The following GRM7 variants were observed in gnomAD, a reference collection of about 807,000 sequenced individuals.
GRM7 encodes metabotropic glutamate receptor 7.
A neutral mutation model predicts 84.5 loss-of-function variants in GRM7; 35 were observed. The ratio of observed to expected loss-of-function variants is 0.41; its 90% CI spans 0.32 to 0.55. GRM7 has a LOEUF of 0.55. Ranked by LOEUF, GRM7 falls within the 20% of genes least tolerant of loss-of-function variation. The probability of loss-of-function intolerance (pLI) is 0.19; values close to 1 mark genes in which losing one functional copy is unlikely to be tolerated. For missense variants in GRM7, 1,003 were observed against 1,194.6 expected, an observed-to-expected ratio of 0.84 and a Z score of 2.36; for synonymous variants, 487 against 455.1, an observed-to-expected ratio of 1.07 and a Z score of -0.89.
chr3:7,500,081 C>G (rs1699837234), intron 7 of GRM7, among the ~76,000 whole-genome samples: 1 of 152,144 alleles, frequency 6.6e-6, no homozygotes, highest in African/African-American at 2.4e-5. Context: ...TAATTCTCCT[C>G]CACCATAGCA....
chr3:7,220,296 G>A (rs1182951470), intron 2 of GRM7, among the ~76,000 whole-genome samples: 1 of 152,142 alleles, frequency 6.6e-6, no homozygotes, highest in African/African-American at 2.4e-5. Context: ...AGGTGAATGA[G>A]GTTAATATCC....
chr3:7,466,528 T>G (rs35545833), intron 7 of GRM7, among the ~76,000 whole-genome samples: 24,428 of 152,246 alleles, frequency 0.16, 2,221 homozygotes, highest in South Asian at 0.33. Flanking sequence ...ATATTATGTG[T>G]GATAGAAACC....
rs1355653351 is a variant in GRM7 at position 6,863,304 on chromosome 3, G to A, written c.519+1397G>A. 1.3e-5 allele frequency among the ~76,000 whole-genome samples: 2 copies of A among 152,082 alleles called. No individual in the cohort carries two copies. The highest frequency in any genetic ancestry group is 2.9e-5 in the Non-Finnish European group (2 of 68,026). ...GTTAATCTCTTCCGCAGATGTACAC[G>A]CTGATCCTGGCACCTTTATGCTCCT... On this transcript the variant is annotated intron_variant, in intron 1 of 9. Coordinates refer to ENST00000357716, the MANE Select transcript of GRM7 (RefSeq NM_000844.4). The surrounding 1 kb of genome is among the most constrained non-coding windows in gnomAD (Gnocchi z 4.8).
At chr3:6,886,736 A>G (rs1031814002) in intron 1 of GRM7, among the ~76,000 whole-genome samples, 1 of 151,826 alleles carries the variant, frequency 6.6e-6, no homozygotes, top group African/African-American at 2.4e-5. Flanking sequence ...ATATATCATT[A>G]CTCTGTTAAT....
At chr3:7,542,099 C>G (rs979987919) in intron 7 of GRM7, among the ~76,000 whole-genome samples, 1 of 152,158 alleles carries the variant, frequency 6.6e-6, no homozygotes, top group African/African-American at 2.4e-5. Flanking sequence ...GCATTAGAAC[C>G]TACCCTAATG....
At chr3:7,274,603 T>C (rs1222325427) in intron 2 of GRM7, among the ~76,000 whole-genome samples, 1 of 152,096 alleles carries the variant, frequency 6.6e-6, no homozygotes, top group Non-Finnish European at 1.5e-5. Context: ...CATGTTCTTC[T>C]TGCTTATATG....
intron 1 of GRM7, among the ~76,000 whole-genome samples, chr3:7,125,187 C>G (rs1188700231): frequency 6.6e-6 from 1 of 152,112 alleles, no homozygotes; most frequent in Non-Finnish European, 1.5e-5. Flanking sequence ...TGTTCCGCCT[C>G]TCTTGGCCTC....
At position 7,680,284 on chromosome 3, in the gene GRM7, T is replaced by C. The variant is rs1042449830; in HGVS notation, c.2687T>C (p.Val896Ala). 1 of 1,614,036 alleles carries C rather than the reference T, an allele frequency of 6.2e-7. No homozygotes were observed. The highest frequency in any genetic ancestry group is 8.5e-7 in the Non-Finnish European group (1 of 1,180,010). Residue 896 changes from valine (V) to alanine (A), a missense_variant, in exon 9 of 10, where the codon GTA becomes GCA. By Grantham distance (64) the Val-to-Ala change is moderately conservative. Around this residue, in one of 2 missense-constraint regions of GRM7, gnomAD observed 910 missense variants for 1,126.0 expected, o/e 0.81. Coordinates refer to ENST00000357716, the MANE Select transcript of GRM7 (RefSeq NM_000844.4). The part of the protein sequence containing the change: ...GEAKTELCEN[V>A]DPNSPAAKKK... Reference sequence around the variant, plus strand: ...GCAAAGACCGAGCTCTGTGAAAACGTAGACCCAAACAGTAAGTAACTCTCC... The same window carrying C: ...GCAAAGACCGAGCTCTGTGAAAACGCAGACCCAAACAGTAAGTAACTCTCC...
intron 2 of GRM7, among the ~76,000 whole-genome samples, chr3:7,266,190 A>G (rs1698631065): frequency 6.6e-6 from 1 of 152,144 alleles, no homozygotes. Context: ...ATACTAGTTC[A>G]TTGTTCAAGG....
rs149083581 is a variant in GRM7 at position 7,145,151 on chromosome 3, C to T, written c.520-1301C>T. ...TCAGGGCTCGAGGAATCAACTTGAG[C>T]GTGGCTTTACCATATTTGAGCTACA... On this transcript the variant is annotated intron_variant, in intron 1 of 9. Transcript: ENST00000357716. 2.4e-3 allele frequency among the ~76,000 whole-genome samples: 358 copies of T among 152,106 alleles called. 2 individuals are homozygous for T. Among genetic ancestry groups the T allele is most frequent in the Middle Eastern group, 3.4e-3 (1 of 294 alleles).
chr3:7,700,191 C>T (rs979321523), intron 9 of GRM7, among the ~76,000 whole-genome samples: 1 of 152,124 alleles, frequency 6.6e-6, no homozygotes, highest in African/African-American at 2.4e-5. Context: ...TCAACAAGGG[C>T]ACATCCCCGC....
chr3:6,874,655 C>G (rs1314472494), intron 1 of GRM7, among the ~76,000 whole-genome samples: 1 of 152,194 alleles, frequency 6.6e-6, no homozygotes, highest in Non-Finnish European at 1.5e-5. Context: ...AAGCCCCTGT[C>G]TCTCTGACTT....
At chr3:6,988,755 TAAG>T (rs1694521563) in intron 1 of GRM7, among the ~76,000 whole-genome samples, 1 of 152,226 alleles carries the variant, frequency 6.6e-6, no homozygotes, top group South Asian at 2.1e-4. Flanking sequence ...AGAATTTTCA[TAAG>T]AAGTATAATT....
intron 5 of GRM7, among the ~76,000 whole-genome samples, chr3:7,427,661 G>T (rs1249359130): frequency 4.6e-5 from 7 of 152,160 alleles, no homozygotes; most frequent in African/African-American, 1.7e-4. Flanking sequence ...ACTTTGCACA[G>T]ATGATAGTGA....
chr3:7,261,234 T>A (rs1370509526), intron 2 of GRM7, among the ~76,000 whole-genome samples: 1 of 152,204 alleles, frequency 6.6e-6, no homozygotes, highest in Admixed American at 6.5e-5. Flanking sequence ...AGAGCAAACA[T>A]ATTTAAAACA....
chr3:7,724,943 A>T lies in GRM7; in HGVS notation c.2699-15414A>T, dbSNP rs544661277. Among the ~76,000 whole-genome samples, 61 of 151,560 alleles carry T rather than the reference A, an allele frequency of 4.0e-4. 1 individual carries two copies. Among genetic ancestry groups the T allele is most frequent in the Admixed American group, 6.6e-4 (10 of 15,204 alleles). On this transcript the variant is annotated intron_variant, in intron 9 of 9. Coordinates refer to ENST00000357716, the MANE Select transcript of GRM7 (RefSeq NM_000844.4). ...CAGGCCCAGCTGTTGTTTTATTATT[A>T]TTTTTTTTTTATTTTTTACAGAGAT...
At chr3:7,442,696 A>C (rs1697339292) in intron 5 of GRM7, among the ~76,000 whole-genome samples, 1 of 152,078 alleles carries the variant, frequency 6.6e-6, no homozygotes, top group African/African-American at 2.4e-5. Context: ...AGTTAGATGA[A>C]CCTTCCCATA....
chr3:7,067,599 C>G (rs1440941623), intron 1 of GRM7, among the ~76,000 whole-genome samples: 1 of 151,936 alleles, frequency 6.6e-6, no homozygotes, highest in African/African-American at 2.4e-5. Flanking sequence ...CAGGAATACT[C>G]TGGTTGTTGG....
rs116031949 is a variant in GRM7, at chr3:7,050,036, C to T, written c.520-96416C>T. ...AAAGTATCATGGCTATATTTGAGAA[C>T]AGAAAATATCACTCCTGTTGCTGGG... On this transcript the variant is annotated intron_variant, in intron 1 of 9. Transcript: ENST00000357716. 5.3e-3 allele frequency among the ~76,000 whole-genome samples: 798 copies of T among 151,886 alleles called. 6 individuals carry two copies. Among genetic ancestry groups the T allele is most frequent in the African/African-American group, 0.018 (750 of 41,488 alleles).
Sources: gnomAD v4.1 joint callset for allele counts (sites outside exome capture counted in the v4.1 genomes callset) on GRCh38, gnomAD v4.1.1 for gene constraint, gnomAD v4.1.1 regional missense constraint, Gnocchi (gnomAD v3.1) non-coding constraint, MANE v1.5 for transcripts, NCBI Gene and HGNC (gene_info 2026-07-23, HGNC 2026-07-21) for gene names.